Variants in TTC23L observed in about 807,000 individuals in gnomAD.
TTC23L encodes the protein tetratricopeptide repeat domain 23 like.
In TTC23L, 42 loss-of-function variants were observed where a neutral mutation model predicts 48.1. The ratio of observed to expected loss-of-function variants is 0.87; its 90% CI spans 0.68 to 1.13. TTC23L has a LOEUF of 1.13. Among genes scored for constraint, TTC23L ranks in the 50% most tolerant of loss-of-function variants. TTC23L has a pLI of 0.00. For missense variants in TTC23L, 391 were observed against 421.0 expected (o/e 0.93, Z 0.62); for synonymous variants, 159 against 157.2 (o/e 1.01, Z -0.09).
intron 4 of TTC23L, chr5:34,861,202 G>C (rs1442594406): frequency 6.6e-6 from 1 of 152,380 alleles, no homozygotes; most frequent in African/African-American, 2.4e-5. Context: ...TCCTGACCTT[G>C]TGATTCGCCC....
chr5:34,908,378 T>C, the TTC23L span: 1 of 153,526 alleles, frequency 6.5e-6, no homozygotes, highest in Non-Finnish European at 1.4e-5. Flanking sequence ...TTTCTCCACG[T>C]TGGTCAGGCT....
chr5:34,857,718 T>TA (rs1435677566), intron 4 of TTC23L, among the ~76,000 whole-genome samples: 13 of 152,214 alleles, frequency 8.5e-5, no homozygotes, highest in African/African-American at 3.1e-4. Context: ...TTTTTTATAT[T>TA]AAATTAATCC....
At chr5:34,887,000 T>C (rs1380523891) in intron 9 of TTC23L, among the ~76,000 whole-genome samples, 1 of 152,144 alleles carries the variant, frequency 6.6e-6, no homozygotes, top group Non-Finnish European at 1.5e-5. Flanking sequence ...TCTAAAGGCT[T>C]AGTAAAATAG....
chr5:34,895,278 A>C (rs968299455), intron 9 of TTC23L, among the ~76,000 whole-genome samples: 3 of 152,230 alleles, frequency 2.0e-5, no homozygotes, highest in Non-Finnish European at 4.4e-5. Flanking sequence ...CTTAAGCCCC[A>C]CTTTTCTCTA....
the TTC23L span, chr5:34,918,904 T>C: frequency 6.6e-6 from 1 of 151,808 alleles, no homozygotes. Context: ...TCAGAGCCTA[T>C]TTCTAAATGC....
At position 34,862,774 on chromosome 5, in the gene TTC23L, G is replaced by A. The variant is rs1760772884; in HGVS notation, c.380-124G>A. ...AATTCTGATTCACAGCCAGATTTAGGAACCAATGCTATAGACCATACGACA... is the reference window on the plus strand; with the variant it reads ...AATTCTGATTCACAGCCAGATTTAGAAACCAATGCTATAGACCATACGACA... On this transcript the variant is annotated intron_variant, in intron 4 of 10. Transcript: ENST00000505624. 7 of 1,128,512 alleles carry A rather than the reference G, an allele frequency of 6.2e-6. No homozygotes were observed. In the South Asian group the frequency reaches 1.0e-4, roughly 17 times the overall value. The allele number at this position is 1,128,512 out of a possible 1,614,324, so 69.9% of individuals were successfully genotyped here.
Position 34,863,123 on chromosome 5 carries a change from C to T in TTC23L, c.536+69C>T. On this transcript the variant is annotated intron_variant, in intron 5 of 10. Coordinates refer to ENST00000505624, the Ensembl canonical transcript of TTC23L. The surrounding 1 kb of genome is among the most constrained non-coding windows in gnomAD (Gnocchi z 4.1). ...GCCACACATGCCAGATGGGTCATCT[C>T]ATACAGGAGGGTGGGAGATGGAACC... The T allele has an allele frequency of 6.3e-7, 1 of 1,586,616 alleles. No homozygotes were observed.
chr5:34,923,580 AT>A, the TTC23L span, among the ~76,000 whole-genome samples: 29 of 147,424 alleles, frequency 2.0e-4, no homozygotes, highest in Admixed American at 4.1e-4. Context: ...ACCCGGCCTA[AT>A]TTTTTTTTTT....
At chr5:34,860,744 G>T (rs1174932791) in intron 4 of TTC23L, 2 of 152,108 alleles carry the variant, frequency 1.3e-5, no homozygotes, top group Non-Finnish European at 2.9e-5. Flanking sequence ...TATTTTTGCA[G>T]TTTTTAATGA....
the TTC23L span, chr5:34,913,437 C>T: frequency 1.5e-6 from 2 of 1,302,352 alleles, no homozygotes; most frequent in Admixed American, 4.6e-5. Flanking sequence ...CTATGTATAA[C>T]ACTTTTATGT....
intron 9 of TTC23L, among the ~76,000 whole-genome samples, chr5:34,888,114 A>G (rs911423904): frequency 1.3e-5 from 2 of 152,194 alleles, no homozygotes; most frequent in African/African-American, 4.8e-5. Flanking sequence ...AGAGACCTCA[A>G]AGAGCCTCCT....
At chr5:34,850,345 C>T in intron 4 of TTC23L, 37 bp downstream of exon 4, 1 of 1,612,002 alleles carries the variant, frequency 6.2e-7, no homozygotes, top group Non-Finnish European at 8.5e-7. Context: ...GGTGGCCAGC[C>T]TCTGAAGGCT....
At chr5:34,846,561 CAA>C (rs1156709677) in intron 3 of TTC23L, among the ~76,000 whole-genome samples, 3 of 31,566 alleles carry the variant, frequency 9.5e-5, no homozygotes, top group African/African-American at 3.6e-4. Flanking sequence ...GACTCTGTCT[CAA>C]AAAAAAAAAA....
At chr5:34,909,118 G>GT in the TTC23L span, 3 of 870,652 alleles carry the variant, frequency 3.4e-6, no homozygotes, top group South Asian at 1.8e-5. Context: ...ACATCCCCTA[G>GT]TAAGTCCAGC....
At chr5:34,922,152 C>T in the TTC23L span, 1 of 895,926 alleles carries the variant, frequency 1.1e-6, no homozygotes. Flanking sequence ...ATATTAATCA[C>T]ATATAATTAC....
rs576515288 is a variant in TTC23L, at chr5:34,844,732, A to G, written c.69-755A>G. Among the ~76,000 whole-genome samples the G allele has an allele frequency of 3.3e-4, 50 of 152,292 alleles. No homozygotes were observed. In the South Asian group the frequency reaches 9.5e-3, roughly 29 times the overall value. ...TAAAATTTCTACCGTTGCTCCTAAG[A>G]TCTCAAAATTCTGTTTCTTCTGTAG... On this transcript the variant is annotated intron_variant, in intron 2 of 10. Transcript: ENST00000505624.
In TTC23L at chr5:34,866,921, T is replaced by C. The variant is rs1254858073; in HGVS notation, c.692T>C (p.Leu231Pro). 1 of 1,607,598 alleles carries C rather than the reference T, an allele frequency of 6.2e-7. No individual in the cohort carries two copies. Among genetic ancestry groups the C allele is most frequent in the South Asian group, 1.1e-5 (1 of 89,786 alleles). ...TCCTTGGCCATCCACAGACTGAACC[T>C]AGCTCTGGCATACTTTGAAAAGGCA... is the stretch of plus-strand genomic sequence containing the variant. Residue 231 changes from leucine to proline, a missense_variant, in exon 7 of 11, where the codon CTA becomes CCA. By Grantham distance (98) the Leu-to-Pro change is moderately conservative (BLOSUM62 -3). Coordinates refer to ENST00000505624, the Ensembl canonical transcript of TTC23L.
intron 3 of TTC23L, 55 bp from the exon 4 acceptor site, chr5:34,850,129 TG>T (rs1759544252): frequency 1.9e-6 from 3 of 1,594,586 alleles, no homozygotes; most frequent in South Asian, 2.2e-5. Context: ...GATAAGTCCA[TG>T]GGGTAGAGAC....
At chr5:34,889,850 G>GT (rs1040767142) in intron 9 of TTC23L, among the ~76,000 whole-genome samples, 5 of 149,964 alleles carry the variant, frequency 3.3e-5, no homozygotes, top group African/African-American at 7.4e-5. Context: ...TTTTGTTTTT[G>GT]TTTTTTTGAG....
Sources: gnomAD v4.1 joint callset for allele counts (sites outside exome capture counted in the v4.1 genomes callset) on GRCh38, gnomAD v4.1.1 for gene constraint, Gnocchi (gnomAD v3.1) non-coding constraint, MANE v1.5 for transcripts, NCBI Gene and HGNC (gene_info 2026-07-23, HGNC 2026-07-21) for gene names.